The following GOLPH3L variants were observed in gnomAD, a reference collection of about 807,000 sequenced individuals.
GOLPH3L encodes the protein golgi phosphoprotein 3 like.
A neutral mutation model predicts 30.3 loss-of-function variants in GOLPH3L; 22 were observed. That is an observed-to-expected ratio of 0.73 (90% CI 0.52 to 1.04). GOLPH3L has a LOEUF of 1.04. Among genes scored for constraint, GOLPH3L ranks in the 50% least tolerant of loss-of-function variants. The pLI is 0.00. For missense variants in GOLPH3L, 303 were observed against 345.8 expected (o/e 0.88, Z 0.98); for synonymous variants, 120 against 128.2 (o/e 0.94, Z 0.43).
chr1:150,692,465 A>G (rs1322324909), intron 2 of GOLPH3L, among the ~76,000 whole-genome samples: 1 of 152,204 alleles, frequency 6.6e-6, no homozygotes, highest in African/African-American at 2.4e-5. Context: ...GGTTCACTGA[A>G]GCCTCGACCT....
chr1:150,674,543 G>A (rs1039460049), intron 2 of GOLPH3L, among the ~76,000 whole-genome samples: 12 of 151,980 alleles, frequency 7.9e-5, no homozygotes, highest in Non-Finnish European at 1.3e-4. Context: ...TATTACAGGC[G>A]TGAACCACCG....
chr1:150,692,144 G>A (rs1651228161), intron 2 of GOLPH3L, among the ~76,000 whole-genome samples: 1 of 151,946 alleles, frequency 6.6e-6, no homozygotes, highest in Non-Finnish European at 1.5e-5. Context: ...TCTATTGATA[G>A]TTTGAGAGAT....
intron 3 of GOLPH3L, among the ~76,000 whole-genome samples, chr1:150,662,705 AG>A (rs1233393768): frequency 1.3e-5 from 2 of 152,218 alleles, no homozygotes; most frequent in Non-Finnish European, 2.9e-5. Flanking sequence ...TAGTCAGAGA[AG>A]CAAGAGAATA....
intron 2 of GOLPH3L, among the ~76,000 whole-genome samples, chr1:150,666,704 T>G (rs1650516239): frequency 6.6e-6 from 1 of 152,188 alleles, no homozygotes; most frequent in South Asian, 2.1e-4. Context: ...AGATTTTGAT[T>G]TCAACAATTT....
At chr1:150,675,507 A>C (rs769545569) in intron 2 of GOLPH3L, among the ~76,000 whole-genome samples, 8 of 152,146 alleles carry the variant, frequency 5.3e-5, no homozygotes, top group African/African-American at 1.9e-4. Flanking sequence ...GCGTCCCTTC[A>C]TAGCAAAGGT....
At chr1:150,665,528 C>T (rs1422901308) in intron 2 of GOLPH3L, among the ~76,000 whole-genome samples, 1 of 151,924 alleles carries the variant, frequency 6.6e-6, no homozygotes, top group Non-Finnish European at 1.5e-5. Flanking sequence ...ATTCAATTTT[C>T]CTCTTTATTG....
chr1:150,664,465 T>A (rs879372199), intron 2 of GOLPH3L, among the ~76,000 whole-genome samples: 9 of 152,054 alleles, frequency 5.9e-5, no homozygotes, highest in African/African-American at 2.2e-4. Flanking sequence ...TCTTTTTTCT[T>A]TTTTTTGAGA....
chr1:150,696,847 CTAGT>C (rs1255494302), intron 1 of GOLPH3L, 141 bp downstream of exon 1: 5 of 152,016 alleles, frequency 3.3e-5, no homozygotes, highest in Admixed American at 2.6e-4. Flanking sequence ...TGCACATTTA[CTAGT>C]TAAAAATCCT....
intron 2 of GOLPH3L, among the ~76,000 whole-genome samples, chr1:150,690,263 G>C (rs760905048): frequency 1.3e-5 from 2 of 152,088 alleles, no homozygotes; most frequent in Non-Finnish European, 2.9e-5. Context: ...TTACAGACAG[G>C]AGCCACCGTG....
chr1:150,690,744 G>A (rs775339277), intron 2 of GOLPH3L, among the ~76,000 whole-genome samples: 4 of 152,116 alleles, frequency 2.6e-5, no homozygotes, highest in Non-Finnish European at 4.4e-5. Context: ...CATCCAGAAC[G>A]TGTTTCCTTT....
At chr1:150,665,897 C>T (rs1055281972) in intron 2 of GOLPH3L, among the ~76,000 whole-genome samples, 1 of 152,166 alleles carries the variant, frequency 6.6e-6, no homozygotes, top group African/African-American at 2.4e-5. Flanking sequence ...CTTTGTATTT[C>T]ACCATCATCC....
At chr1:150,652,958 G>T (rs959092418) in intron 4 of GOLPH3L, among the ~76,000 whole-genome samples, 4 of 151,794 alleles carry the variant, frequency 2.6e-5, no homozygotes, top group African/African-American at 4.8e-5. Flanking sequence ...TTACAACAAT[G>T]AATTGTTGAA....
At chr1:150,677,460 A>G (rs1571049060) in intron 2 of GOLPH3L, among the ~76,000 whole-genome samples, 1 of 146,304 alleles carries the variant, frequency 6.8e-6, no homozygotes, top group South Asian at 2.2e-4. Flanking sequence ...CTGGTCTTGA[A>G]CTCCTGACCT....
chr1:150,665,323 G>T (rs1441798416), intron 2 of GOLPH3L, among the ~76,000 whole-genome samples: 1 of 150,992 alleles, frequency 6.6e-6, no homozygotes, highest in Non-Finnish European at 1.5e-5. Flanking sequence ...ATATTTTGGG[G>T]TTACTTTTTT....
chr1:150,693,832 T>C (rs1228050306), intron 2 of GOLPH3L, among the ~76,000 whole-genome samples: 1 of 102,128 alleles, frequency 9.8e-6, no homozygotes, highest in African/African-American at 3.9e-5. Context: ...TATATATATA[T>C]ATATATATAT....
chr1:150,648,067 A>G lies in GOLPH3L; in HGVS notation c.*254T>C, dbSNP rs1240698329. Reference sequence around the variant, plus strand: ...GGGTGAAACTAAACCACCAAATGGGAGAAAATGTTCATTGGGTGTGTGTGG... The same window carrying G: ...GGGTGAAACTAAACCACCAAATGGGGGAAAATGTTCATTGGGTGTGTGTGG... On this transcript the variant is annotated 3_prime_UTR_variant, in exon 5 of 5. Transcript: ENST00000271732. 2.6e-6 allele frequency: 1 copy of G among 388,888 alleles called. No homozygotes were observed. Among genetic ancestry groups the G allele is most frequent in the Non-Finnish European group, 4.6e-6 (1 of 218,786 alleles). The allele number at this position is 388,888 out of a possible 1,614,324, so 24.1% of individuals were successfully genotyped here. A position where few individuals can be genotyped will look rare whatever the true frequency, so the allele number is the denominator to read the frequency against.
At position 150,651,932 on chromosome 1, in the gene GOLPH3L, G is replaced by A. The variant is rs139306451; in HGVS notation, c.431-3184C>T. Among the ~76,000 whole-genome samples, 1,267 of 152,214 alleles carry A rather than the reference G, an allele frequency of 8.3e-3. 24 individuals are homozygous for A. The highest frequency in any genetic ancestry group is 0.029 in the African/African-American group (1,223 of 41,524). ...AGTAATGGCTAAAATCTTGCCAAAC[G>A]TGATGAAAAACACTCAACCACACAT... On this transcript the variant is annotated intron_variant, in intron 4 of 4. Transcript: ENST00000271732.
At chr1:150,668,822 T>C (rs1650575535) in intron 2 of GOLPH3L, among the ~76,000 whole-genome samples, 1 of 152,216 alleles carries the variant, frequency 6.6e-6, no homozygotes, top group Admixed American at 6.5e-5. Context: ...GTAGGCATTA[T>C]TTATTCTCGT....
At chr1:150,694,597 C>T (rs587717743) in intron 2 of GOLPH3L, 59 bp downstream of exon 2, 1 of 1,086,070 alleles carries the variant, frequency 9.2e-7, no homozygotes, top group Non-Finnish European at 1.3e-6. Flanking sequence ...AGGTTACTTC[C>T]TAAAACATTC....
Sources: gnomAD v4.1 joint callset for allele counts (sites outside exome capture counted in the v4.1 genomes callset) on GRCh38, gnomAD v4.1.1 for gene constraint, MANE v1.5 for transcripts, NCBI Gene and HGNC (gene_info 2026-07-23, HGNC 2026-07-21) for gene names.